NRG3: variants seen among roughly 807,000 people sequenced by gnomAD.
NRG3 encodes the protein pro-neuregulin-3, membrane-bound isoform.
Under a neutral mutation model 66.9 loss-of-function variants are expected in NRG3, and 31 were observed. The ratio of observed to expected loss-of-function variants is 0.46; its 90% CI spans 0.35 to 0.63. The LOEUF (loss-of-function observed/expected upper bound fraction) is 0.63, where lower values mean the gene tolerates loss of function less well. NRG3 is among the 20% of genes least tolerant of loss of function. The pLI is 0.00. For synonymous variants in NRG3, 393 were observed against 359.4 expected (o/e 1.09, Z -1.06); for missense variants, 910 against 878.9 (o/e 1.04, Z -0.45).
chr10:82,356,663 C>G (rs2083805081), intron 1 of NRG3, among the ~76,000 whole-genome samples: 1 of 152,046 alleles, frequency 6.6e-6, no homozygotes, highest in African/African-American at 2.4e-5. Context: ...ATTGCAATAC[C>G]AATAGTGGTT....
At chr10:82,844,878 G>A (rs1180773249) in intron 3 of NRG3, among the ~76,000 whole-genome samples, 1 of 152,168 alleles carries the variant, frequency 6.6e-6, no homozygotes, top group African/African-American at 2.4e-5. Context: ...TCACAGGCCA[G>A]GAGTGGTTGC....
intron 1 of NRG3, among the ~76,000 whole-genome samples, chr10:82,005,924 A>G (rs1471290332): frequency 1.6e-5 from 1 of 61,094 alleles, no homozygotes; most frequent in African/African-American, 5.8e-5. Context: ...TGTGTGTGTG[A>G]ATCACCTTTC....
At chr10:82,845,839 C>T (rs960839028) in intron 3 of NRG3, among the ~76,000 whole-genome samples, 2 of 152,030 alleles carry the variant, frequency 1.3e-5, no homozygotes, top group Non-Finnish European at 2.9e-5. Flanking sequence ...ATTAATGCAA[C>T]CTAAACTTAA....
intron 3 of NRG3, among the ~76,000 whole-genome samples, chr10:82,816,275 G>T (rs183244893): frequency 1.3e-5 from 2 of 152,354 alleles, no homozygotes; most frequent in East Asian, 3.9e-4. Flanking sequence ...GGACGAATGA[G>T]GTATGCAGAC....
chr10:82,680,051 T>C (rs539118496), intron 2 of NRG3, among the ~76,000 whole-genome samples: 1 of 152,218 alleles, frequency 6.6e-6, no homozygotes, highest in Non-Finnish European at 1.5e-5. Context: ...GCATTATCCA[T>C]GTAGCTAGTT....
chr10:82,312,478 T>C (rs748373947), intron 1 of NRG3, among the ~76,000 whole-genome samples: 5 of 152,212 alleles, frequency 3.3e-5, no homozygotes, highest in Non-Finnish European at 7.3e-5. Flanking sequence ...TTTTCAATCT[T>C]TTTACCTGTA....
At chr10:81,924,936 GA>G (rs1344182300) in intron 1 of NRG3, among the ~76,000 whole-genome samples, 4 of 151,344 alleles carry the variant, frequency 2.6e-5, no homozygotes, top group East Asian at 1.9e-4. Flanking sequence ...AGGTGAAAGA[GA>G]AAAAAAAGGC....
intron 1 of NRG3, among the ~76,000 whole-genome samples, chr10:82,095,033 A>G (rs1406483804): frequency 6.6e-6 from 1 of 152,122 alleles, no homozygotes; most frequent in Admixed American, 6.5e-5. Context: ...AAATTTATAC[A>G]ATTTTTTTTA....
intron 5 of NRG3, among the ~76,000 whole-genome samples, chr10:82,957,026 A>T (rs1850113638): frequency 6.6e-6 from 1 of 152,034 alleles, no homozygotes; most frequent in Non-Finnish European, 1.5e-5. Context: ...AAGCCTCCAA[A>T]GCTTGCAGCA....
intron 1 of NRG3, among the ~76,000 whole-genome samples, chr10:81,890,745 T>C (rs2132553066): frequency 6.6e-6 from 1 of 152,332 alleles, no homozygotes; most frequent in Admixed American, 6.5e-5. Flanking sequence ...TGTCTTTATG[T>C]ATTGCACTTC....
intron 1 of NRG3, among the ~76,000 whole-genome samples, chr10:82,011,815 G>A (rs2207779): frequency 1 from 152,309 of 152,328 alleles, 76,145 homozygotes; most frequent in Middle Eastern, 1. Flanking sequence ...ATGGGTTGCC[G>A]TGGTCTTGGG....
chr10:81,952,171 A>G (rs953444651), intron 1 of NRG3, among the ~76,000 whole-genome samples: 5 of 152,176 alleles, frequency 3.3e-5, no homozygotes, highest in Non-Finnish European at 7.3e-5. Flanking sequence ...CAGCACACCA[A>G]CGTGGCACAT....
intron 2 of NRG3, among the ~76,000 whole-genome samples, chr10:82,492,051 A>G (rs1326503551): frequency 6.6e-6 from 1 of 152,204 alleles, no homozygotes. Flanking sequence ...TATTTCAATA[A>G]TTTGATCCTC....
At chr10:82,042,814 T>C (rs2063105524) in intron 1 of NRG3, among the ~76,000 whole-genome samples, 1 of 152,048 alleles carries the variant, frequency 6.6e-6, no homozygotes, top group African/African-American at 2.4e-5. Flanking sequence ...TTTTATCTGT[T>C]TTTAATATCA....
intron 2 of NRG3, among the ~76,000 whole-genome samples, chr10:82,735,811 G>A (rs915569623): frequency 1.3e-5 from 2 of 152,082 alleles, no homozygotes; most frequent in African/African-American, 4.8e-5. Flanking sequence ...TGCATGTGAG[G>A]TTTAAAACCT....
intron 3 of NRG3, among the ~76,000 whole-genome samples, chr10:82,791,494 G>A (rs2060585575): frequency 8.9e-6 from 1 of 112,668 alleles, no homozygotes; most frequent in South Asian, 2.4e-4. Context: ...CATTTGTGCT[G>A]GGGCAAGCCT....
chr10:82,816,741 G>A (rs566818134), intron 3 of NRG3, among the ~76,000 whole-genome samples: 1 of 152,174 alleles, frequency 6.6e-6, no homozygotes, highest in Non-Finnish European at 1.5e-5. Flanking sequence ...ACCCTCAGCA[G>A]CCCCAACTCA....
At chr10:82,933,956 A>G (rs1175416690) in intron 4 of NRG3, among the ~76,000 whole-genome samples, 1 of 152,160 alleles carries the variant, frequency 6.6e-6, no homozygotes, top group East Asian at 1.9e-4. Flanking sequence ...ATGGAATCCC[A>G]AAAAAGGAGG....
intron 1 of NRG3, among the ~76,000 whole-genome samples, chr10:82,354,896 TAAAG>T (rs1478934353): frequency 2.0e-5 from 3 of 152,122 alleles, no homozygotes; most frequent in African/African-American, 4.8e-5. Flanking sequence ...TAAGGGAACT[TAAAG>T]AAAGCCTTGA....
Sources: gnomAD v4.1 joint callset for allele counts (sites outside exome capture counted in the v4.1 genomes callset) on GRCh38, gnomAD v4.1.1 for gene constraint, MANE v1.5 for transcripts, NCBI Gene and HGNC (gene_info 2026-07-23, HGNC 2026-07-21) for gene names.